Variants in LSAMP observed in about 807,000 individuals in gnomAD.
LSAMP encodes limbic system associated membrane protein.
A neutral mutation model predicts 38.6 loss-of-function variants in LSAMP; 7 were observed. The observed-to-expected ratio is 0.18, with a 90% CI of 0.10 to 0.34. The LOEUF is 0.34. Among genes scored for constraint, LSAMP ranks in the 10% least tolerant of loss-of-function variants. The pLI is 1.00. For synonymous variants in LSAMP, 154 were observed against 166.8 expected (o/e 0.92, Z 0.59); for missense variants, 313 against 420.0 (o/e 0.75, Z 2.23).
At chr3:115,843,398 G>A (rs557451899) in intron 4 of LSAMP, among the ~76,000 whole-genome samples, 1 of 152,016 alleles carries the variant, frequency 6.6e-6, no homozygotes, top group Non-Finnish European at 1.5e-5. Context: ...AAGAGTGTTT[G>A]CATGTCCACT....
chr3:115,990,128 G>C (rs569112670), intron 3 of LSAMP, among the ~76,000 whole-genome samples: 1 of 152,180 alleles, frequency 6.6e-6, no homozygotes, highest in African/African-American at 2.4e-5. Flanking sequence ...ACAGCTGACT[G>C]TGGTTTTAAA....
Position 116,445,352 on chromosome 3 carries a change from T to C in LSAMP, c.-321A>G. 1 of 533,808 alleles carries C rather than the reference T, an allele frequency of 1.9e-6. No homozygotes were observed. The highest frequency in any genetic ancestry group is 3.0e-5 in the South Asian group (1 of 33,820). The allele number at this position is 533,808 out of a possible 1,614,324, so 33.1% of individuals were successfully genotyped here. A position where few individuals can be genotyped will look rare whatever the true frequency, so the allele number is the denominator to read the frequency against. On this transcript the variant is annotated 5_prime_UTR_variant, in exon 1 of 7. Coordinates refer to ENST00000490035, the MANE Select transcript of LSAMP (RefSeq NM_002338.5). The stretch of plus-strand genomic sequence containing the variant: ...GGAAAGGGTTCTTGTTTGGTCTCTC[T>C]GTGACTGGATGCTCCTCTGCCAGTG...
intron 1 of LSAMP, among the ~76,000 whole-genome samples, chr3:116,335,937 G>A (rs529022981): frequency 2.0e-5 from 3 of 152,050 alleles, no homozygotes; most frequent in African/African-American, 4.8e-5. Flanking sequence ...ATTATAAGTT[G>A]AACTATTGTT....
At chr3:115,927,493 A>T (rs1298361427) in intron 3 of LSAMP, among the ~76,000 whole-genome samples, 1 of 152,156 alleles carries the variant, frequency 6.6e-6, no homozygotes, top group Non-Finnish European at 1.5e-5. Flanking sequence ...ATTCCCAGAA[A>T]GCCCTTCTTC....
intron 1 of LSAMP, among the ~76,000 whole-genome samples, chr3:116,130,753 C>T (rs1210069741): frequency 6.6e-6 from 1 of 152,116 alleles, no homozygotes; most frequent in Non-Finnish European, 1.5e-5. Context: ...TGTATAGCTA[C>T]AGGTTTTTCC....
intron 3 of LSAMP, among the ~76,000 whole-genome samples, chr3:115,854,082 T>C (rs939096664): frequency 6.6e-6 from 1 of 151,898 alleles, no homozygotes; most frequent in Admixed American, 6.6e-5. Flanking sequence ...CTTCAAGTCT[T>C]CTCTCAATTG....
chr3:116,118,172 G>A (rs1182327029), intron 1 of LSAMP, among the ~76,000 whole-genome samples: 1 of 152,132 alleles, frequency 6.6e-6, no homozygotes, highest in African/African-American at 2.4e-5. Flanking sequence ...TCCCTCTCCA[G>A]AGAATGAACC....
intron 3 of LSAMP, among the ~76,000 whole-genome samples, chr3:115,871,714 C>T (rs1936044716): frequency 6.6e-6 from 1 of 151,880 alleles, no homozygotes; most frequent in Non-Finnish European, 1.5e-5. Flanking sequence ...TGAGGGTTCC[C>T]TATTGCTAGA....
chr3:116,304,627 G>T (rs1330246667), intron 1 of LSAMP, among the ~76,000 whole-genome samples: 2 of 152,094 alleles, frequency 1.3e-5, no homozygotes, highest in African/African-American at 2.4e-5. Context: ...CAGGTGCATG[G>T]AAAGTCAGAT....
intron 3 of LSAMP, among the ~76,000 whole-genome samples, chr3:115,983,837 A>G (rs1298781160): frequency 6.6e-6 from 1 of 152,204 alleles, no homozygotes; most frequent in African/African-American, 2.4e-5. Context: ...CTTCAGAGAT[A>G]GGCAAGGGCA....
Position 116,370,507 on chromosome 3 carries a change from A to G in LSAMP, c.155+74370T>C, listed in dbSNP as rs140583171. The stretch of plus-strand genomic sequence containing the variant: ...CTAATTTTGTCCAATCTCATCAATT[A>G]GCAGAGTAGTAGCTACCATTCACCC... On this transcript the variant is annotated intron_variant, in intron 1 of 6. Transcript: ENST00000490035. 2.0e-5 allele frequency among the ~76,000 whole-genome samples: 3 copies of G among 152,342 alleles called. No individual in the cohort carries two copies. The East Asian group carries it at 5.8e-4, about 29-fold the overall frequency.
intron 1 of LSAMP, among the ~76,000 whole-genome samples, chr3:116,377,851 T>C (rs2048514101): frequency 6.6e-6 from 1 of 152,018 alleles, no homozygotes; most frequent in African/African-American, 2.4e-5. Flanking sequence ...TTTTAACCAA[T>C]TAGAAGACAG....
At chr3:116,394,593 A>C (rs59428849) in intron 1 of LSAMP, among the ~76,000 whole-genome samples, 1 of 152,048 alleles carries the variant, frequency 6.6e-6, no homozygotes, top group Non-Finnish European at 1.5e-5. Context: ...CAGCCCCCTC[A>C]TTATGCTCAC....
At chr3:116,147,916 G>C (rs570117442) in intron 1 of LSAMP, among the ~76,000 whole-genome samples, 1 of 151,430 alleles carries the variant, frequency 6.6e-6, no homozygotes, top group Non-Finnish European at 1.5e-5. Flanking sequence ...TTTTCGTCTG[G>C]GTCTAACTCT....
At chr3:116,322,764 A>G (rs1376654970) in intron 1 of LSAMP, among the ~76,000 whole-genome samples, 1 of 152,014 alleles carries the variant, frequency 6.6e-6, no homozygotes, top group Non-Finnish European at 1.5e-5. Context: ...CCATCTTTTA[A>G]TCTTTATTTC....
chr3:116,028,937 CTA>C (rs1291080710), intron 2 of LSAMP, among the ~76,000 whole-genome samples: 1 of 151,984 alleles, frequency 6.6e-6, no homozygotes, highest in Non-Finnish European at 1.5e-5. Context: ...TAATAGATGT[CTA>C]GACACTTTAT....
At chr3:116,144,276 T>G (rs1354248766) in intron 1 of LSAMP, among the ~76,000 whole-genome samples, 4 of 151,984 alleles carry the variant, frequency 2.6e-5, no homozygotes, top group Non-Finnish European at 1.5e-5. Flanking sequence ...ATGGTTCATG[T>G]CTGGGATTCT....
chr3:116,192,368 C>T (rs1317202336), intron 1 of LSAMP, among the ~76,000 whole-genome samples: 1 of 152,204 alleles, frequency 6.6e-6, no homozygotes, highest in African/African-American at 2.4e-5. Flanking sequence ...CCTAGAGCTC[C>T]ATCTACTTCT....
rs529023406 is a variant in LSAMP at position 116,021,815 on chromosome 3, G to A, written c.389-2175C>T. On this transcript the variant is annotated intron_variant, in intron 2 of 6. Transcript: ENST00000490035. Reference sequence around the variant, plus strand: ...TGACTCACAATCTCTCTCTCTCGGTGTTTTTTTTTTAAATAAAAGGAGATA... The same window carrying A: ...TGACTCACAATCTCTCTCTCTCGGTATTTTTTTTTTAAATAAAAGGAGATA... Among the ~76,000 whole-genome samples the A allele has an allele frequency of 1.0e-4, 15 of 148,430 alleles. No homozygotes were observed. The East Asian group carries it at 3.0e-3, about 29-fold the overall frequency.
Sources: allele counts gnomAD v4.1 joint callset (sites outside exome capture counted in the v4.1 genomes callset), GRCh38; gene constraint gnomAD v4.1.1; transcripts MANE v1.5; gene names NCBI Gene and HGNC (gene_info 2026-07-23, HGNC 2026-07-21).